ASCC3: variants seen among roughly 807,000 people sequenced by gnomAD.
The protein encoded by ASCC3 is ASC-1 complex subunit P200.
A neutral mutation model predicts 256.3 loss-of-function variants in ASCC3; 158 were observed. The observed-to-expected ratio is 0.62, with a 90% confidence interval of 0.54 to 0.70. The LOEUF is 0.70. Ranked by LOEUF, ASCC3 falls within the 30% of genes least tolerant of loss-of-function variation. The probability of loss-of-function intolerance (pLI) is 0.00; values close to 1 mark genes in which losing one functional copy is unlikely to be tolerated. For missense variants in ASCC3, 2,259 were observed against 2,626.0 expected (o/e 0.86, Z 3.05); for synonymous variants, 948 against 883.4 (o/e 1.07, Z -1.30).
chr6:100,774,509 G>A (rs1782091762), intron 8 of ASCC3, among the ~76,000 whole-genome samples: 2 of 152,032 alleles, frequency 1.3e-5, no homozygotes, highest in African/African-American at 4.8e-5. Context: ...GATACTACAG[G>A]CGCCCATCAC....
At chr6:100,519,640 G>A (rs1446177717) in intron 37 of ASCC3, among the ~76,000 whole-genome samples, 4 of 152,112 alleles carry the variant, frequency 2.6e-5, no homozygotes, top group Admixed American at 2.0e-4. Flanking sequence ...TTATGATGAT[G>A]TCAGAACTTG....
intron 14 of ASCC3, among the ~76,000 whole-genome samples, chr6:100,679,167 A>C (rs780155260): frequency 3.9e-5 from 6 of 151,906 alleles, no homozygotes; most frequent in Non-Finnish European, 7.4e-5. Context: ...ACTGAGTAAC[A>C]AGCTGTTGAC....
At chr6:100,523,174 T>C (rs1351379645) in intron 37 of ASCC3, among the ~76,000 whole-genome samples, 3 of 151,802 alleles carry the variant, frequency 2.0e-5, no homozygotes, top group African/African-American at 7.3e-5. Context: ...GTACTGTGCC[T>C]TTAAATTAGC....
chr6:100,729,863 G>A (rs142184119), intron 10 of ASCC3, among the ~76,000 whole-genome samples: 40 of 152,262 alleles, frequency 2.6e-4, no homozygotes, highest in Middle Eastern at 3.4e-3. Context: ...GGAGCAAACT[G>A]TGTAATCACA....
intron 36 of ASCC3, among the ~76,000 whole-genome samples, chr6:100,577,966 C>T (rs1770964573): frequency 6.6e-6 from 1 of 152,014 alleles, no homozygotes. Flanking sequence ...AAGACAGGCA[C>T]ACTGCAATAT....
At chr6:100,520,844 G>A (rs934397683) in intron 37 of ASCC3, among the ~76,000 whole-genome samples, 4 of 152,098 alleles carry the variant, frequency 2.6e-5, no homozygotes, top group Admixed American at 6.6e-5. Flanking sequence ...CTAAGGGCAC[G>A]TTTCTCAGAA....
At chr6:100,702,168 A>G (rs1778387645) in intron 13 of ASCC3, among the ~76,000 whole-genome samples, 2 of 152,160 alleles carry the variant, frequency 1.3e-5, no homozygotes, top group Admixed American at 1.3e-4. Flanking sequence ...GTAGTCCAGG[A>G]AAGACATGAT....
chr6:100,875,677 C>T (rs1773965814), intron 1 of ASCC3, among the ~76,000 whole-genome samples: 1 of 151,952 alleles, frequency 6.6e-6, no homozygotes, highest in South Asian at 2.1e-4. Flanking sequence ...AAGTGATCCA[C>T]AAATCAGTTG....
chr6:100,856,062 G>T (rs1417808104), intron 3 of ASCC3, among the ~76,000 whole-genome samples: 1 of 152,270 alleles, frequency 6.6e-6, no homozygotes, highest in African/African-American at 2.4e-5. Context: ...ATAATGCCTA[G>T]ATGTGGAGCA....
intron 36 of ASCC3, among the ~76,000 whole-genome samples, chr6:100,582,575 T>C (rs1771355348): frequency 6.6e-6 from 1 of 152,128 alleles, no homozygotes; most frequent in East Asian, 1.9e-4. Context: ...GAATACCCTT[T>C]ATTTCCTTCT....
intron 1 of ASCC3, among the ~76,000 whole-genome samples, chr6:100,875,656 G>A (rs1166934373): frequency 1.3e-5 from 2 of 152,120 alleles, no homozygotes; most frequent in Non-Finnish European, 2.9e-5. Flanking sequence ...GTTAAGAACA[G>A]AGTTCTAAGA....
intron 14 of ASCC3, among the ~76,000 whole-genome samples, chr6:100,673,844 C>A (rs1776875968): frequency 6.6e-6 from 1 of 152,180 alleles, no homozygotes; most frequent in Admixed American, 6.5e-5. Flanking sequence ...CCATGCCTAG[C>A]CCTCCATGCA....
intron 36 of ASCC3, among the ~76,000 whole-genome samples, chr6:100,549,485 T>C (rs941093272): frequency 1.1e-4 from 16 of 152,070 alleles, no homozygotes; most frequent in Admixed American, 9.2e-4. Flanking sequence ...GTTAGTTTTT[T>C]CCTTTTTTCT....
intron 10 of ASCC3, among the ~76,000 whole-genome samples, chr6:100,758,522 G>A (rs771558414): frequency 7.2e-5 from 11 of 152,246 alleles, no homozygotes; most frequent in South Asian, 6.2e-4. Context: ...GTCTGCTGAG[G>A]ATGATGGTTT....
chr6:100,584,369 G>T (rs1003152949), intron 36 of ASCC3, among the ~76,000 whole-genome samples: 1 of 151,564 alleles, frequency 6.6e-6, no homozygotes, highest in African/African-American at 2.4e-5. Context: ...TTTGATCTTT[G>T]TTGGTTTAAA....
chr6:100,878,329 G>A (rs184334348), intron 1 of ASCC3, among the ~76,000 whole-genome samples: 1 of 152,166 alleles, frequency 6.6e-6, no homozygotes, highest in East Asian at 1.9e-4. Flanking sequence ...CCATTCAAAG[G>A]TGGGGGAAAA....
chr6:100,652,609 T>C (rs530112372), intron 18 of ASCC3, 116 bp downstream of exon 18: 2 of 1,141,412 alleles, frequency 1.8e-6, no homozygotes, highest in African/African-American at 3.1e-5. Context: ...TGAATTCATA[T>C]AAGTTAAATG....
Position 100,647,819 on chromosome 6 carries a change from G to C in ASCC3, c.3253-368C>G, listed in dbSNP as rs1225655134. Among the ~76,000 whole-genome samples the C allele has an allele frequency of 2.0e-5, 3 of 152,038 alleles. 1 individual carries two copies. Among genetic ancestry groups the C allele is most frequent in the South Asian group, 4.2e-4 (2 of 4,816 alleles). On this transcript the variant is annotated intron_variant, in intron 20 of 41. Coordinates refer to ENST00000369162, the MANE Select transcript of ASCC3 (RefSeq NM_006828.4). ...GACGCCTCTTGGTGAATAGTGGAAT[G>C]ATTAAATTTACAAGGCTATTTAGAG...
chr6:100,544,838 T>A (rs906538373), intron 36 of ASCC3, among the ~76,000 whole-genome samples: 3 of 152,112 alleles, frequency 2.0e-5, no homozygotes, highest in Non-Finnish European at 2.9e-5. Flanking sequence ...TGTCCTTATG[T>A]CAAAACTAGA....
Sources: allele counts gnomAD v4.1 joint callset (sites outside exome capture counted in the v4.1 genomes callset), GRCh38; gene constraint gnomAD v4.1.1; transcripts MANE v1.5; gene names NCBI Gene and HGNC (gene_info 2026-07-23, HGNC 2026-07-21).